CRYL1: variants seen among roughly 807,000 people sequenced by gnomAD.
CRYL1 encodes lambda-crystallin homolog.
Under a neutral mutation model 36.6 loss-of-function variants are expected in CRYL1, and 29 were observed. The observed-to-expected ratio is 0.79, with a 90% CI of 0.59 to 1.08. The LOEUF (loss-of-function observed/expected upper bound fraction) is 1.08. Among genes scored for constraint, CRYL1 ranks in the 50% least tolerant of loss-of-function variants. The pLI, the probability that CRYL1 is intolerant of heterozygous loss-of-function variation, is 0.00. For missense variants in CRYL1, 411 were observed against 407.9 expected (o/e 1.01, Z -0.06); for synonymous variants, 152 against 151.5 (o/e 1.00, Z -0.02).
intron 5 of CRYL1, chr13:20,426,585 A>G (rs996955548): frequency 3.5e-6 from 2 of 577,960 alleles, no homozygotes; most frequent in Non-Finnish European, 4.4e-6. Flanking sequence ...GGAGTCAGAA[A>G]CAAGAGACAC....
chr13:20,513,728 T>C (rs1232606837), intron 1 of CRYL1: 1 of 151,712 alleles, frequency 6.6e-6, no homozygotes, highest in Non-Finnish European at 1.5e-5. Flanking sequence ...TCACATGGGG[T>C]TGTTCAAAGA....
At chr13:20,499,429 G>A (rs377092671) in intron 2 of CRYL1, among the ~76,000 whole-genome samples, 4 of 151,332 alleles carry the variant, frequency 2.6e-5, no homozygotes, top group Non-Finnish European at 2.9e-5. Context: ...CGGGTGGATC[G>A]TGAGGTCAGG....
At chr13:20,423,066 G>A (rs547977921) in intron 5 of CRYL1, among the ~76,000 whole-genome samples, 12 of 152,170 alleles carry the variant, frequency 7.9e-5, no homozygotes, top group African/African-American at 1.4e-4. Context: ...TTGTTTTCTT[G>A]ATTTCTTTTT....
intron 3 of CRYL1, among the ~76,000 whole-genome samples, chr13:20,469,484 A>G (rs2033010233): frequency 6.6e-6 from 1 of 152,176 alleles, no homozygotes; most frequent in African/African-American, 2.4e-5. Context: ...GCTACGTGCA[A>G]TCTAATTTAA....
At chr13:20,420,367 T>A (rs1593432108) in intron 5 of CRYL1, among the ~76,000 whole-genome samples, 1 of 152,018 alleles carries the variant, frequency 6.6e-6, no homozygotes, top group East Asian at 1.9e-4. Context: ...CTCAGCTACA[T>A]CTATCAAGTT....
intron 1 of CRYL1, among the ~76,000 whole-genome samples, chr13:20,513,880 A>G (rs1327958204): frequency 2.0e-5 from 3 of 150,776 alleles, no homozygotes; most frequent in African/African-American, 7.3e-5. Flanking sequence ...AGCCCGGAGC[A>G]GTTTGTAGCA....
At chr13:20,418,800 C>A (rs923758522) in intron 5 of CRYL1, 1 of 152,198 alleles carries the variant, frequency 6.6e-6, no homozygotes. Context: ...AGACTTGCTA[C>A]CCAGGAATTT....
chr13:20,457,425 C>T (rs988831054), intron 3 of CRYL1, among the ~76,000 whole-genome samples: 3 of 152,106 alleles, frequency 2.0e-5, no homozygotes, highest in African/African-American at 7.2e-5. Context: ...CCTGGCCACA[C>T]CCTAATAATT....
At chr13:20,444,934 T>A (rs1187396143) in intron 3 of CRYL1, among the ~76,000 whole-genome samples, 3 of 152,172 alleles carry the variant, frequency 2.0e-5, no homozygotes, top group Non-Finnish European at 4.4e-5. Flanking sequence ...GCCAGGCTGG[T>A]CTTGAACTCC....
intron 2 of CRYL1, among the ~76,000 whole-genome samples, chr13:20,506,612 T>C (rs1046414115): frequency 3.3e-5 from 5 of 151,710 alleles, no homozygotes; most frequent in African/African-American, 1.2e-4. Context: ...ACTTTAAAAA[T>C]CTTTAATGAT....
chr13:20,431,249 C>T, intron 5 of CRYL1: 3 of 985,430 alleles, frequency 3.0e-6, no homozygotes, highest in African/African-American at 1.7e-5. Flanking sequence ...TGTGTCCATG[C>T]GAGTCCAAAC....
rs185332977 is a variant in CRYL1 at position 20,506,018 on chromosome 13, T to C, written c.149+6425A>G. Among the ~76,000 whole-genome samples the C allele has an allele frequency of 5.8e-4, 88 of 152,326 alleles. 1 individual carries two copies. The highest frequency in any genetic ancestry group is 1.9e-3 in the Admixed American group (29 of 15,296). On this transcript the variant is annotated intron_variant, in intron 2 of 7. Coordinates refer to ENST00000298248, the MANE Select transcript of CRYL1 (RefSeq NM_015974.3). ...GTTTCAGTCCTTTTACCTTGGACTC[T>C]CTGTGCGGGAATGGTACATTTGAAG... is the stretch of plus-strand genomic sequence containing the variant.
At chr13:20,468,027 C>G (rs969536416) in intron 3 of CRYL1, among the ~76,000 whole-genome samples, 1 of 152,076 alleles carries the variant, frequency 6.6e-6, no homozygotes, top group African/African-American at 2.4e-5. Context: ...GCCTTATGAT[C>G]AGCAGTGGAA....
chr13:20,506,911 T>G lies in CRYL1; in HGVS notation c.149+5532A>C, dbSNP rs1565987238. ...TCATCTTGAATTGTAGCTCCCATAA[T>G]TCCCATGTGTTGGGGGAGGGACCTG... On this transcript the variant is annotated intron_variant, in intron 2 of 7. Coordinates refer to ENST00000298248, the MANE Select transcript of CRYL1 (RefSeq NM_015974.3). Among the ~76,000 whole-genome samples the G allele has an allele frequency of 2.0e-5, 3 of 152,328 alleles. No individual in the cohort carries two copies. In the South Asian group the frequency reaches 6.2e-4, roughly 32 times the overall value.
chr13:20,460,716 G>A (rs375544365), intron 3 of CRYL1, among the ~76,000 whole-genome samples: 4 of 151,946 alleles, frequency 2.6e-5, no homozygotes, highest in Non-Finnish European at 5.9e-5. Context: ...TAGTAGAGAT[G>A]GGGTTTCACT....
intron 7 of CRYL1, 53 bp downstream of exon 7, chr13:20,404,582 G>T: frequency 1.7e-6 from 2 of 1,184,044 alleles, no homozygotes; most frequent in Non-Finnish European, 2.5e-6. Context: ...GGCAGCAAGT[G>T]CTCCAGGTAG....
chr13:20,508,170 A>C (rs1454253485), intron 2 of CRYL1, among the ~76,000 whole-genome samples: 2 of 152,142 alleles, frequency 1.3e-5, no homozygotes, highest in Admixed American at 1.3e-4. Flanking sequence ...TGGAGGCTGC[A>C]GTGAGCCAAG....
chr13:20,467,923 C>T (rs771254240), intron 3 of CRYL1, among the ~76,000 whole-genome samples: 1 of 152,160 alleles, frequency 6.6e-6, no homozygotes, highest in African/African-American at 2.4e-5. Context: ...GTTAGATCAG[C>T]GTGGCATTGG....
chr13:20,417,972 A>G (rs1269702951), intron 5 of CRYL1, among the ~76,000 whole-genome samples: 2 of 152,208 alleles, frequency 1.3e-5, no homozygotes, highest in Non-Finnish European at 2.9e-5. Context: ...GAATTGGCTC[A>G]TGTGACTGTG....
Sources: allele counts gnomAD v4.1 joint callset (sites outside exome capture counted in the v4.1 genomes callset), GRCh38; gene constraint gnomAD v4.1.1; transcripts MANE v1.5; gene names NCBI Gene and HGNC (gene_info 2026-07-23, HGNC 2026-07-21).